Variants in PTPRD observed in about 807,000 individuals in gnomAD.
PTPRD encodes receptor-type tyrosine-protein phosphatase delta.
PTPRD carries 34 observed loss-of-function variants against 214.5 expected under a neutral mutation model. The observed-to-expected ratio is 0.16, with a 90% CI of 0.12 to 0.21. The LOEUF (loss-of-function observed/expected upper bound fraction) is 0.21. PTPRD is among the 10% of genes least tolerant of loss of function. PTPRD has a pLI of 1.00. For synonymous variants in PTPRD, 1,128 were observed against 845.7 expected, an observed-to-expected ratio of 1.33 and a Z score of -5.79; for missense variants, 2,545 against 2,398.7, an observed-to-expected ratio of 1.06 and a Z score of -1.27.
chr9:9,912,709 C>T (rs112474019), intron 5 of PTPRD, among the ~76,000 whole-genome samples: 123 of 152,232 alleles, frequency 8.1e-4, no homozygotes, highest in African/African-American at 2.9e-3. Flanking sequence ...TACAACTGCA[C>T]TAATAAAATG....
chr9:8,413,624 T>C (rs1386136145), intron 35 of PTPRD, among the ~76,000 whole-genome samples: 1 of 152,074 alleles, frequency 6.6e-6, no homozygotes, highest in East Asian at 1.9e-4. Context: ...AAGGTAGCAA[T>C]ACACCATACT....
rs946979807 is a variant in PTPRD, at chr9:10,335,456, T to A, written c.-545+5507A>T. Among the ~76,000 whole-genome samples the A allele has an allele frequency of 5.9e-5, 9 of 151,598 alleles. No homozygotes were observed. The East Asian group carries it at 1.8e-3, about 30-fold the overall frequency. On this transcript the variant is annotated intron_variant, in intron 3 of 45. Transcript: ENST00000381196. The stretch of plus-strand genomic sequence containing the variant: ...TTAACAAAAGTTAACTCAAAACATA[T>A]CACAGACCCAAGTGTAAAAGCCAAA...
intron 3 of PTPRD, among the ~76,000 whole-genome samples, chr9:10,146,150 C>CACATAT (rs1296325043): frequency 6.8e-6 from 1 of 147,326 alleles, no homozygotes; most frequent in Non-Finnish European, 1.5e-5. Flanking sequence ...TGAAATCATC[C>CACATAT]ATATATATAT....
At chr9:9,836,538 T>C (rs554251764) in intron 5 of PTPRD, among the ~76,000 whole-genome samples, 1 of 152,052 alleles carries the variant, frequency 6.6e-6, no homozygotes, top group Non-Finnish European at 1.5e-5. Flanking sequence ...AGCATTCTAG[T>C]TTATGGGGTG....
chr9:9,062,339 G>A (rs754549993), intron 10 of PTPRD, among the ~76,000 whole-genome samples: 2 of 152,146 alleles, frequency 1.3e-5, no homozygotes, highest in African/African-American at 2.4e-5. Context: ...GTAAGCAACT[G>A]ATTAACCATA....
At chr9:9,093,906 T>C (rs976688962) in intron 10 of PTPRD, among the ~76,000 whole-genome samples, 1 of 151,258 alleles carries the variant, frequency 6.6e-6, no homozygotes. Context: ...TCAGTAAAAT[T>C]GATAAACTTC....
chr9:8,649,642 T>C (rs1005904294), intron 12 of PTPRD, among the ~76,000 whole-genome samples: 1 of 152,228 alleles, frequency 6.6e-6, no homozygotes, highest in South Asian at 2.1e-4. Flanking sequence ...AACATTTTTA[T>C]AGATACACAA....
chr9:9,346,315 G>T lies in PTPRD; in HGVS notation c.-203+51134C>A, dbSNP rs541770133. On this transcript the variant is annotated intron_variant, in intron 9 of 45. Transcript: ENST00000381196. ...TTACAATCAATTAGAAATATGGGAG[G>T]GTCAATATTCATGTGACTCACACGT... Among the ~76,000 whole-genome samples the T allele has an allele frequency of 9.3e-4, 141 of 151,940 alleles. 1 individual carries two copies. Among genetic ancestry groups the T allele is most frequent in the Middle Eastern group, 3.4e-3 (1 of 294 alleles).
intron 11 of PTPRD, among the ~76,000 whole-genome samples, chr9:8,999,287 G>A (rs879891054): frequency 5.9e-5 from 9 of 151,904 alleles, no homozygotes; most frequent in African/African-American, 9.7e-5. Flanking sequence ...AAACTTCACC[G>A]TTGTCTTGTT....
intron 5 of PTPRD, among the ~76,000 whole-genome samples, chr9:9,791,655 A>G (rs1309367750): frequency 6.6e-6 from 1 of 151,964 alleles, no homozygotes; most frequent in Admixed American, 6.6e-5. Flanking sequence ...GGAAGAATCC[A>G]TTTTTGTTTC....
intron 4 of PTPRD, among the ~76,000 whole-genome samples, chr9:9,970,093 T>C (rs1479598844): frequency 6.6e-6 from 1 of 152,088 alleles, no homozygotes; most frequent in Non-Finnish European, 1.5e-5. Context: ...TATAAGGCCA[T>C]ATTAAGGATT....
chr9:10,566,200 G>T lies in PTPRD; in HGVS notation c.-600+46198C>A, dbSNP rs1044837209. 1.3e-5 allele frequency among the ~76,000 whole-genome samples: 2 copies of T among 151,790 alleles called. 1 individual carries two copies. The highest frequency in any genetic ancestry group is 1.3e-4 in the Admixed American group (2 of 15,196). ...TTTGTGAGCACTTGTGCCTTTCCAG[G>T]TTTTTAAGATGATGAACAATGCTTC... On this transcript the variant is annotated intron_variant, in intron 2 of 45. Coordinates refer to ENST00000381196, the MANE Select transcript of PTPRD (RefSeq NM_002839.4).
chr9:8,831,581 T>A (rs144152670), intron 11 of PTPRD, among the ~76,000 whole-genome samples: 1 of 152,312 alleles, frequency 6.6e-6, no homozygotes, highest in East Asian at 1.9e-4. Context: ...GTGAGCAATA[T>A]TAAAGCTTGT....
At chr9:8,375,412 T>C (rs1335276299) in intron 39 of PTPRD, among the ~76,000 whole-genome samples, 1 of 152,064 alleles carries the variant, frequency 6.6e-6, no homozygotes, top group Non-Finnish European at 1.5e-5. Context: ...TTCTATTAAA[T>C]ACATTTTTAA....
intron 12 of PTPRD, among the ~76,000 whole-genome samples, chr9:8,674,409 G>C (rs1038512695): frequency 1.4e-5 from 2 of 143,816 alleles, no homozygotes; most frequent in African/African-American, 5.2e-5. Context: ...AGTGAGCCGG[G>C]ATCGCGCCAC....
intron 11 of PTPRD, among the ~76,000 whole-genome samples, chr9:8,785,284 G>A (rs986838488): frequency 2.6e-5 from 4 of 152,184 alleles, no homozygotes; most frequent in African/African-American, 4.8e-5. Context: ...AGTCATACCG[G>A]CATAACTATT....
chr9:8,553,530 T>C lies in PTPRD; in HGVS notation c.353-24751A>G, dbSNP rs72696647. Among the ~76,000 whole-genome samples the C allele has an allele frequency of 8.1e-3, 1,237 of 152,198 alleles. 9 individuals are homozygous for C. Among genetic ancestry groups the C allele is most frequent in the African/African-American group, 0.021 (852 of 41,524 alleles). On this transcript the variant is annotated intron_variant, in intron 14 of 45. Coordinates refer to ENST00000381196, the MANE Select transcript of PTPRD (RefSeq NM_002839.4). ...TTTACTGGACACTTACCCTATGCAA[T>C]CAACTACACTATCTACCAGGAGATA...
chr9:9,889,306 T>C (rs1437875499), intron 5 of PTPRD, among the ~76,000 whole-genome samples: 2 of 152,178 alleles, frequency 1.3e-5, no homozygotes, highest in East Asian at 1.9e-4. Context: ...AGGTAATGAA[T>C]GTGTTAACTA....
intron 8 of PTPRD, among the ~76,000 whole-genome samples, chr9:9,482,677 A>AGAT (rs1484785920): frequency 6.6e-6 from 1 of 152,224 alleles, no homozygotes; most frequent in Non-Finnish European, 1.5e-5. Flanking sequence ...AGTGGTTCTA[A>AGAT]GCACAACTTA....
Sources: gnomAD v4.1 joint callset for allele counts (sites outside exome capture counted in the v4.1 genomes callset) on GRCh38, gnomAD v4.1.1 for gene constraint, MANE v1.5 for transcripts, NCBI Gene and HGNC (gene_info 2026-07-23, HGNC 2026-07-21) for gene names.